Variants in BLTP3B observed in about 807,000 individuals in gnomAD.
BLTP3B encodes the protein bridge-like lipid transfer protein family member 3B, also known as UHRF1 (ICBP90) binding protein 1-like.
the BLTP3B span, among the ~76,000 whole-genome samples, chr12:100,055,645 C>T: frequency 1.3e-5 from 2 of 148,914 alleles, no homozygotes; most frequent in African/African-American, 5.0e-5. Flanking sequence ...TCATTACACT[C>T]CAGCCTGGGC....
chr12:100,139,254 T>C, the BLTP3B span, among the ~76,000 whole-genome samples: 2 of 152,254 alleles, frequency 1.3e-5, no homozygotes, highest in Non-Finnish European at 2.9e-5. Context: ...TAGTTTAGCA[T>C]TGAGTTAAAG....
the BLTP3B span, among the ~76,000 whole-genome samples, chr12:100,105,974 T>G: frequency 1.3e-5 from 2 of 152,054 alleles, no homozygotes. Flanking sequence ...TCATTAATCA[T>G]AAGGGAAATG....
At chr12:100,065,839 C>T in the BLTP3B span, among the ~76,000 whole-genome samples, 2 of 152,094 alleles carry the variant, frequency 1.3e-5, no homozygotes, top group South Asian at 2.1e-4. Flanking sequence ...CTTTGTTCTC[C>T]TTTTTGCCCT....
chr12:100,140,613 G>A, the BLTP3B span, among the ~76,000 whole-genome samples: 3 of 144,666 alleles, frequency 2.1e-5, no homozygotes, highest in Admixed American at 2.1e-4. Context: ...GCTGAGGCAG[G>A]AGAACTGATT....
chr12:100,050,874 A>C, the BLTP3B span, among the ~76,000 whole-genome samples: 1 of 152,166 alleles, frequency 6.6e-6, no homozygotes, highest in Admixed American at 6.6e-5. Flanking sequence ...TCCACTCCTC[A>C]ATATGAATAA....
the BLTP3B span, among the ~76,000 whole-genome samples, chr12:100,124,188 C>A: frequency 6.6e-6 from 1 of 151,742 alleles, no homozygotes; most frequent in Non-Finnish European, 1.5e-5. Flanking sequence ...ACAGGAGGAT[C>A]ACTTGAGCCA....
At chr12:100,075,961 T>A in the BLTP3B span, among the ~76,000 whole-genome samples, 42,871 of 151,764 alleles carry the variant, frequency 0.28, 8,851 homozygotes, top group African/African-American at 0.58. Flanking sequence ...AAAAGGAGGA[T>A]GGGAGGAAGG....
chr12:100,066,394 G>T, the BLTP3B span, among the ~76,000 whole-genome samples: 1 of 152,110 alleles, frequency 6.6e-6, no homozygotes, highest in Non-Finnish European at 1.5e-5. Flanking sequence ...ATAGGCCTAA[G>T]AAATGAGATA....
the BLTP3B span, chr12:100,047,694 G>A: frequency 9.2e-6 from 12 of 1,307,612 alleles, no homozygotes; most frequent in Admixed American, 1.4e-4. Flanking sequence ...TATTTTTAAT[G>A]AGTTAAAGAT....
chr12:100,075,297 AC>A, the BLTP3B span, among the ~76,000 whole-genome samples: 5 of 152,178 alleles, frequency 3.3e-5, no homozygotes, highest in African/African-American at 1.2e-4. Flanking sequence ...AGTGTGAGCC[AC>A]CACGCCCGGC....
chr12:100,130,279 C>T, the BLTP3B span, among the ~76,000 whole-genome samples: 1 of 152,200 alleles, frequency 6.6e-6, no homozygotes, highest in Non-Finnish European at 1.5e-5. Flanking sequence ...TATTTCTTTA[C>T]AAGCTTTTCT....
chr12:100,070,134 T>A, the BLTP3B span: 2 of 1,556,548 alleles, frequency 1.3e-6, no homozygotes, highest in African/African-American at 1.4e-5. Flanking sequence ...TCTTCCTTCA[T>A]CTATCTTGAG....
the BLTP3B span, among the ~76,000 whole-genome samples, chr12:100,093,488 A>C: frequency 1.3e-5 from 2 of 152,244 alleles, no homozygotes; most frequent in Non-Finnish European, 2.9e-5. Flanking sequence ...AAAATAACTA[A>C]AAATCATCTG....
the BLTP3B span, among the ~76,000 whole-genome samples, chr12:100,049,134 A>T: frequency 6.6e-6 from 1 of 152,158 alleles, no homozygotes; most frequent in Non-Finnish European, 1.5e-5. Context: ...GTAGTTGGTA[A>T]GATTAATAAC....
At chr12:100,099,572 T>A in the BLTP3B span, among the ~76,000 whole-genome samples, 1 of 150,194 alleles carries the variant, frequency 6.7e-6, no homozygotes, top group Admixed American at 6.7e-5. Flanking sequence ...CACAGACAGA[T>A]CTCGTATCCG....
the BLTP3B span, among the ~76,000 whole-genome samples, chr12:100,079,901 G>C: frequency 6.6e-6 from 1 of 152,216 alleles, no homozygotes; most frequent in Non-Finnish European, 1.5e-5. Flanking sequence ...CCAACACAGA[G>C]CTTGGGCCAT....
chr12:100,040,657 G>A, the BLTP3B span, among the ~76,000 whole-genome samples: 3 of 152,114 alleles, frequency 2.0e-5, no homozygotes, highest in African/African-American at 7.2e-5. Flanking sequence ...CTGCACTCCA[G>A]CCTGGGCGAC....
chr12:100,134,798 T>G, the BLTP3B span, among the ~76,000 whole-genome samples: 1 of 152,194 alleles, frequency 6.6e-6, no homozygotes, highest in Middle Eastern at 3.2e-3. Context: ...CACCCATTAC[T>G]GCTCTCCTCT....
chr12:100,076,278 TG>T, the BLTP3B span, among the ~76,000 whole-genome samples: 1 of 152,026 alleles, frequency 6.6e-6, no homozygotes, highest in Non-Finnish European at 1.5e-5. Context: ...TACCCAGAGA[TG>T]TTTTTTTTTC....
Sources: allele counts gnomAD v4.1 joint callset (sites outside exome capture counted in the v4.1 genomes callset), GRCh38; gene constraint gnomAD v4.1.1; transcripts MANE v1.5; gene names NCBI Gene and HGNC (gene_info 2026-07-23, HGNC 2026-07-21).